Variants in AGBL4 observed in about 807,000 individuals in gnomAD.
AGBL4 encodes cytosolic carboxypeptidase 6.
In AGBL4, 58 loss-of-function variants were observed where a neutral mutation model predicts 66.4. The ratio of observed to expected loss-of-function variants is 0.87; its 90% CI spans 0.71 to 1.09. AGBL4 has a LOEUF of 1.09. Among genes scored for constraint, AGBL4 ranks in the 50% least tolerant of loss-of-function variants. AGBL4 has a pLI of 0.00. For synonymous variants in AGBL4, 234 were observed against 222.9 expected, an observed-to-expected ratio of 1.05 and a Z score of -0.44; for missense variants, 579 against 631.0, an observed-to-expected ratio of 0.92 and a Z score of 0.88.
rs200824365 is a variant in AGBL4, at chr1:49,429,851, T to TA, written c.283-183988_283-183987insT. Among the ~76,000 whole-genome samples the TA allele has an allele frequency of 7.6e-4, 85 of 111,702 alleles. 1 individual carries two copies. The South Asian group carries it at 0.011, about 15-fold the overall frequency. 73.3% of individuals were successfully genotyped at this position (111,702 alleles called of 152,430 possible). ...AAGTATTTGCAGTTCTTTGAATATA[T>TA]TTTTTTTTTTTTTTTGAGACAGAGT... On this transcript the variant is annotated intron_variant, in intron 3 of 13. Coordinates refer to ENST00000371839, the MANE Select transcript of AGBL4 (RefSeq NM_032785.4).
Position 49,957,078 on chromosome 1 carries a change from C to T in AGBL4, c.34+66685G>A, listed in dbSNP as rs566476498. Among the ~76,000 whole-genome samples, 11 of 151,966 alleles carry T rather than the reference C, an allele frequency of 7.2e-5. No individual in the cohort carries two copies. In the East Asian group the frequency reaches 1.7e-3, roughly 24 times the overall value. ...TAGCAGGTAAAAGCAGAAAAGTCAACAGAAAGGTATTACAATGATCCAAGT... is the reference window on the plus strand; with the variant it reads ...TAGCAGGTAAAAGCAGAAAAGTCAATAGAAAGGTATTACAATGATCCAAGT... On this transcript the variant is annotated intron_variant, in intron 1 of 13. Transcript: ENST00000371839.
At chr1:49,518,265 G>A (rs1243126152) in intron 3 of AGBL4, among the ~76,000 whole-genome samples, 1 of 152,022 alleles carries the variant, frequency 6.6e-6, no homozygotes, top group Non-Finnish European at 1.5e-5. Context: ...AAAATACTGA[G>A]ATCCAACACA....
chr1:48,611,485 G>A (rs1645238682), intron 9 of AGBL4, among the ~76,000 whole-genome samples: 3 of 152,136 alleles, frequency 2.0e-5, no homozygotes, highest in Admixed American at 2.0e-4. Flanking sequence ...CTTAAAATGG[G>A]GATAATAATA....
At chr1:49,077,401 C>T (rs1382764467) in intron 4 of AGBL4, among the ~76,000 whole-genome samples, 1 of 152,106 alleles carries the variant, frequency 6.6e-6, no homozygotes, top group African/African-American at 2.4e-5. Context: ...TGCATATTAT[C>T]TCTCATTTGA....
chr1:48,762,974 C>T (rs951141207), intron 6 of AGBL4, among the ~76,000 whole-genome samples: 17 of 152,014 alleles, frequency 1.1e-4, no homozygotes, highest in Non-Finnish European at 2.4e-4. Flanking sequence ...CAATAATTCA[C>T]GCAACCCACC....
chr1:49,586,147 A>G (rs1184341744), intron 3 of AGBL4, among the ~76,000 whole-genome samples: 3 of 152,194 alleles, frequency 2.0e-5, no homozygotes, highest in Non-Finnish European at 4.4e-5. Flanking sequence ...ATGTTGCCTC[A>G]TGTAATCCCC....
At chr1:49,503,299 A>T (rs1406394022) in intron 3 of AGBL4, among the ~76,000 whole-genome samples, 1 of 152,156 alleles carries the variant, frequency 6.6e-6, no homozygotes, top group Non-Finnish European at 1.5e-5. Context: ...ATTTCAGAGG[A>T]TGTATGCAAA....
In AGBL4 at chr1:48,596,613, A is replaced by T. The variant is rs181655995; in HGVS notation, c.952-5628T>A. 2.9e-3 allele frequency among the ~76,000 whole-genome samples: 440 copies of T among 152,286 alleles called. 5 individuals are homozygous for T. Among genetic ancestry groups the T allele is most frequent in the African/African-American group, 9.7e-3 (403 of 41,578 alleles). On this transcript the variant is annotated intron_variant, in intron 9 of 13. Coordinates refer to ENST00000371839, the MANE Select transcript of AGBL4 (RefSeq NM_032785.4). ...TATCATTCATACTGTATATTTATTT[A>T]AAAAATTTTTTTTGTAGAGACAAGG...
chr1:49,222,041 T>C (rs1362548553), intron 4 of AGBL4, among the ~76,000 whole-genome samples: 2 of 152,160 alleles, frequency 1.3e-5, no homozygotes, highest in African/African-American at 4.8e-5. Context: ...ATCATTTAAT[T>C]GCAAGAACCA....
At chr1:49,321,583 T>A (rs241461) in intron 3 of AGBL4, among the ~76,000 whole-genome samples, 104,901 of 152,078 alleles carry the variant, frequency 0.69, 37,003 homozygotes, top group African/African-American at 0.8. Flanking sequence ...TAGGTATATG[T>A]CTTAGAGAAA....
chr1:49,605,539 A>G (rs1645048258), intron 3 of AGBL4, among the ~76,000 whole-genome samples: 1 of 152,118 alleles, frequency 6.6e-6, no homozygotes, highest in Non-Finnish European at 1.5e-5. Context: ...TTAAGGTAAA[A>G]CATGTATTAG....
intron 3 of AGBL4, among the ~76,000 whole-genome samples, chr1:49,379,443 C>T (rs1267140796): frequency 6.6e-6 from 1 of 152,146 alleles, no homozygotes; most frequent in African/African-American, 2.4e-5. Flanking sequence ...AACACTGCTG[C>T]ATCTTTCTTC....
intron 6 of AGBL4, among the ~76,000 whole-genome samples, chr1:48,744,041 G>T (rs1417865400): frequency 6.6e-6 from 1 of 152,212 alleles, no homozygotes. Context: ...TCCTGGTAGA[G>T]ATTTCAGGTC....
chr1:49,532,711 G>A (rs1272689733), intron 3 of AGBL4, among the ~76,000 whole-genome samples: 7 of 152,018 alleles, frequency 4.6e-5, no homozygotes, highest in Non-Finnish European at 2.9e-5. Context: ...TCTATTCTAG[G>A]CATTGTCCTG....
intron 2 of AGBL4, among the ~76,000 whole-genome samples, chr1:49,763,557 G>A (rs879455008): frequency 6.6e-6 from 1 of 152,210 alleles, no homozygotes; most frequent in Non-Finnish European, 1.5e-5. Flanking sequence ...AAACAGAGAA[G>A]AGTGAAGCTG....
At chr1:48,648,067 C>T (rs1319781277) in intron 8 of AGBL4, among the ~76,000 whole-genome samples, 1 of 152,118 alleles carries the variant, frequency 6.6e-6, no homozygotes, top group Non-Finnish European at 1.5e-5. Flanking sequence ...ATACACATAA[C>T]ATAAAACTTA....
chr1:49,691,113 A>C (rs1646878430), intron 3 of AGBL4: 1 of 152,196 alleles, frequency 6.6e-6, no homozygotes, highest in Non-Finnish European at 1.5e-5. Context: ...GAAGGTCGAA[A>C]AGGAATAAGG....
At chr1:48,597,912 G>A (rs1645020339) in intron 9 of AGBL4, among the ~76,000 whole-genome samples, 2 of 150,260 alleles carry the variant, frequency 1.3e-5, no homozygotes, top group African/African-American at 2.5e-5. Flanking sequence ...GAAGGAGGAA[G>A]GAAGGAAGGA....
intron 3 of AGBL4, among the ~76,000 whole-genome samples, chr1:49,496,572 T>C (rs1448935674): frequency 8.5e-6 from 1 of 118,210 alleles, no homozygotes; most frequent in Non-Finnish European, 1.6e-5. Flanking sequence ...TAACCTTCAC[T>C]TCTATGAGTT....
Sources: gnomAD v4.1 joint callset for allele counts (sites outside exome capture counted in the v4.1 genomes callset) on GRCh38, gnomAD v4.1.1 for gene constraint, MANE v1.5 for transcripts, NCBI Gene and HGNC (gene_info 2026-07-23, HGNC 2026-07-21) for gene names.